The following KRT16 variants were observed in gnomAD, a reference collection of about 807,000 sequenced individuals.
The protein encoded by KRT16 is keratin, type I cytoskeletal 16.
KRT16 carries 42 observed loss-of-function variants against 44.8 expected under a neutral mutation model. That is an observed-to-expected ratio of 0.94 (90% CI 0.73 to 1.21). The LOEUF is 1.21. KRT16 is among the 50% of genes most tolerant of loss of function. The pLI is 0.00. For missense variants in KRT16, 561 were observed against 626.9 expected, an observed-to-expected ratio of 0.89 and a Z score of 1.12; for synonymous variants, 226 against 260.4, an observed-to-expected ratio of 0.87 and a Z score of 1.27.
intron 2 of KRT16, 58 bp from the exon 3 acceptor site, chr17:41,611,559 G>T (rs1908200076): frequency 6.8e-6 from 11 of 1,610,026 alleles, no homozygotes; most frequent in Non-Finnish European, 9.3e-6. Context: ...GAGGCTCGGG[G>T]TCTGCTGGCC....
At position 41,612,407 on chromosome 17, in the gene KRT16, G is replaced by A. The variant is rs570977410; in HGVS notation, c.282C>T (p.Phe94=). ...GGYGGGLGAG[F]GGGLGAGFGG... ...CAAAGCCAGCACCCAAGCCACCACCGAAGCCAGCACCAAGGCCACCACCAT... is the reference window on the plus strand; with the variant it reads ...CAAAGCCAGCACCCAAGCCACCACCAAAGCCAGCACCAAGGCCACCACCAT... Residue 94 remains phenylalanine, a synonymous_variant, in exon 1 of 8, where the codon TTC becomes TTT. Transcript: ENST00000301653. 69 of 1,613,984 alleles carry A rather than the reference G, an allele frequency of 4.3e-5. No individual in the cohort carries two copies. Among genetic ancestry groups the A allele is most frequent in the African/African-American group, 3.3e-4 (25 of 75,000 alleles).
At position 41,610,569 on chromosome 17, in the gene KRT16, A is replaced by C; in HGVS notation, c.1060-18T>G. On this transcript the variant is annotated intron_variant, in intron 5 of 7. Coordinates refer to ENST00000301653, the MANE Select transcript of KRT16 (RefSeq NM_005557.4). ...GATGCTTTCTGCAAGTGAGAGAGAG[A>C]AAAAGAGTCCATGGAGGTGGTCACT... The C allele has an allele frequency of 1.2e-6, 2 of 1,611,612 alleles. No individual in the cohort carries two copies. The highest frequency in any genetic ancestry group is 1.7e-6 in the Non-Finnish European group (2 of 1,179,508).
chr17:41,611,179 C>T lies in KRT16; in HGVS notation c.823G>A (p.Asp275Asn). 1 of 1,614,006 alleles carries T rather than the reference C, an allele frequency of 6.2e-7. No individual in the cohort carries two copies. Among genetic ancestry groups the T allele is most frequent in the East Asian group, 2.2e-5 (1 of 44,888 alleles). ...CTCAGGTCCACGCCAGGTGCAGCAT[C>T]CATCTCCACGTTCACATCTCCGCCG... ...QTGGDVNVEM[D>N]AAPGVDLSRI... is the part of the protein sequence containing the mutation. The change falls in exon 4 of 8, where the codon GAT becomes AAT. Residue 275 changes from aspartate (D) to asparagine (N), a missense_variant. Physicochemically the swap from Asp to Asn is conservative, Grantham distance 23. Transcript: ENST00000301653.
chr17:41,611,897 C>G (rs1191926871), intron 1 of KRT16, 176 bp from the exon 2 acceptor site: 2 of 784,594 alleles, frequency 2.5e-6, no homozygotes, highest in East Asian at 2.7e-5. Flanking sequence ...ATCCCGATCA[C>G]CCCCTTCCTG....
intron 5 of KRT16, 123 bp from the exon 6 acceptor site, chr17:41,610,674 C>T (rs1908158904): frequency 4.1e-6 from 6 of 1,467,734 alleles, no homozygotes; most frequent in Non-Finnish European, 5.7e-6. Context: ...ATGGGCCAGA[C>T]AATATGGAGA....
rs1465005565 is a variant in KRT16 at position 41,610,864 on chromosome 17, TG to T, written c.1048del (p.Gln350SerfsTer4). On this transcript the variant is annotated frameshift_variant, in exon 5 of 8. Transcript: ENST00000301653. LOFTEE classifies it high-confidence loss of function. ...LQGLEIELQSQLSMKASLENS... is the reference protein window; with the variant it reads ...LQGLEIELQSXLSMKASLENS... Reference sequence around the variant, plus strand: ...CTGGGTCCTTCATACCATGCTGAGCTGGGACTGCAGCTCAATCTCCAGGCCC... The same window carrying T: ...CTGGGTCCTTCATACCATGCTGAGCTGGACTGCAGCTCAATCTCCAGGCCC... 8 of 1,613,880 alleles carry T rather than the reference TG, an allele frequency of 5.0e-6. No homozygotes were observed. The African/African-American group carries it at 8.0e-5, about 16-fold the overall frequency.
Position 41,609,912 on chromosome 17 carries a change from G to A in KRT16, c.*23C>T, listed in dbSNP as rs113024481. The A allele has an allele frequency of 9.7e-4, 1,558 of 1,607,418 alleles. 19 individuals are homozygous for A. In the African/African-American group the frequency reaches 0.018, roughly 19 times the overall value. ...GGTGAGGCCAGCTGGTGGGCAGGAG[G>A]CTGTGGTAGAGGCAGCTCAGTTCTA... On this transcript the variant is annotated 3_prime_UTR_variant, in exon 8 of 8. Coordinates refer to ENST00000301653, the MANE Select transcript of KRT16 (RefSeq NM_005557.4).
In KRT16 at chr17:41,610,580, A is replaced by T. The variant is rs1181321002; in HGVS notation, c.1060-29T>A. On this transcript the variant is annotated intron_variant, in intron 5 of 7. Transcript: ENST00000301653. ...CAAGTGAGAGAGAGAAAAAGAGTCCATGGAGGTGGTCACTCCTGTTCCTCC... is the reference window on the plus strand; with the variant it reads ...CAAGTGAGAGAGAGAAAAAGAGTCCTTGGAGGTGGTCACTCCTGTTCCTCC... 2.5e-6 allele frequency: 4 copies of T among 1,610,488 alleles called. No individual in the cohort carries two copies. In the Admixed American group the frequency reaches 6.7e-5, roughly 27 times the overall value.
In KRT16 at chr17:41,612,705, G is replaced by A; in HGVS notation, c.-17C>T. ...GGTGGTCATGGTGCCAAGGAGGGAG[G>A]TGAGCGAGTGAGCAGTTGGCTGAAA... On this transcript the variant is annotated 5_prime_UTR_variant, in exon 1 of 8. Coordinates refer to ENST00000301653, the MANE Select transcript of KRT16 (RefSeq NM_005557.4). 1 of 1,574,142 alleles carries A rather than the reference G, an allele frequency of 6.4e-7. No individual in the cohort carries two copies. Among genetic ancestry groups the A allele is most frequent in the East Asian group, 2.3e-5 (1 of 43,176 alleles).
chr17:41,611,403 T>C lies in KRT16; in HGVS notation c.713A>G (p.Glu238Gly). ...DELTLARTDL[E>G]MQIEGLKEEL... ...CTCCTTCAGGCCTTCGATCTGCATC[T>C]CCAGGTCAGTCCTGGCCAGGGTCAG... is the stretch of plus-strand genomic sequence containing the variant. Residue 238 changes from glutamate (E) to glycine (G), a missense_variant, in exon 3 of 8, where the codon GAG becomes GGG. By Grantham distance (98) the Glu-to-Gly change is moderately conservative. Transcript: ENST00000301653. 1.2e-6 allele frequency: 2 copies of C among 1,614,230 alleles called. No homozygotes were observed. Among genetic ancestry groups the C allele is most frequent in the East Asian group, 4.5e-5 (2 of 44,882 alleles).
rs1241399741 is a variant in KRT16 at position 41,611,078 on chromosome 17, G to A, written c.924C>T (p.Phe308=). The A allele has an allele frequency of 6.2e-7, 1 of 1,614,020 alleles. No individual in the cohort carries two copies. The highest frequency in any genetic ancestry group is 2.2e-5 in the East Asian group (1 of 44,878). Residue 308 remains phenylalanine (F), a synonymous_variant, in exon 4 of 8, where the codon TTC becomes TTT. Transcript: ENST00000301653. The part of the protein sequence containing the change: ...EKNRRDAETW[F]LSKTEELNKE... ...CGGGCCCGAGCCCCACCTTGCTCAG[G>A]AACCAGGTCTCAGCGTCTCTGCGGT...
intron 6 of KRT16, 21 bp downstream of exon 6, chr17:41,610,310 A>T: frequency 6.2e-7 from 1 of 1,613,438 alleles, no homozygotes; most frequent in Non-Finnish European, 8.5e-7. Context: ...GGGAGGCAGA[A>T]CTGAGGGGCC....
chr17:41,610,688 G>C (rs1335054681), intron 5 of KRT16, 137 bp from the exon 6 acceptor site: 3 of 1,455,530 alleles, frequency 2.1e-6, no homozygotes, highest in East Asian at 2.3e-5. Flanking sequence ...ATGGAGAAAA[G>C]CTAGCCCACT....
rs1357399791 is a variant in KRT16 at position 41,611,242 on chromosome 17, T to C, written c.772-12A>G. The stretch of plus-strand genomic sequence containing the variant: ...AGAGCAAGCATCTCCTGGGAAGGGA[T>C]GGCAGGAGGCGGTCAGTTCAGCAGA... On this transcript the variant is annotated splice_polypyrimidine_tract_variant and intron_variant, in intron 3 of 7. Coordinates refer to ENST00000301653, the MANE Select transcript of KRT16 (RefSeq NM_005557.4). 2 of 1,613,874 alleles carry C rather than the reference T, an allele frequency of 1.2e-6. No individual in the cohort carries two copies. The highest frequency in any genetic ancestry group is 1.7e-6 in the Non-Finnish European group (2 of 1,179,866).
intron 5 of KRT16, 77 bp from the exon 6 acceptor site, chr17:41,610,628 A>G (rs922564164): frequency 1.3e-6 from 2 of 1,561,942 alleles, no homozygotes; most frequent in South Asian, 2.2e-5. Context: ...ATGTTTTTTG[A>G]GAGATGCCTG....
intron 1 of KRT16, 141 bp from the exon 2 acceptor site, chr17:41,611,862 C>A: frequency 1.1e-6 from 1 of 882,362 alleles, no homozygotes; most frequent in Non-Finnish European, 1.8e-6. Flanking sequence ...TCTCCACCAG[C>A]TCAGGCTACG....
rs147423442 is a variant in KRT16, at chr17:41,611,472, G to C, written c.644C>G (p.Thr215Ser). Residue 215 changes from threonine to serine, a missense_variant, in exon 3 of 8, where the codon ACT becomes AGT. By Grantham distance (58) the Thr-to-Ser change is moderately conservative. Transcript: ENST00000301653. ...KYEHELALRQTVEADVNGLRR... is the reference protein window; with the variant it reads ...KYEHELALRQSVEADVNGLRR... The stretch of plus-strand genomic sequence containing the variant: ...CAGGCCATTGACGTCGGCCTCCACA[G>C]TCTGCCGCAGGGCCAGTTCATGCTC... The C allele has an allele frequency of 4.4e-3, 7,083 of 1,614,060 alleles. 23 individuals are homozygous for C. The highest frequency in any genetic ancestry group is 5.4e-3 in the Non-Finnish European group (6,350 of 1,180,040).
chr17:41,611,295 G>A (rs758986017), intron 3 of KRT16, 50 bp downstream of exon 3: 28 of 1,613,844 alleles, frequency 1.7e-5, no homozygotes, highest in Middle Eastern at 3.3e-4. Context: ...GGTGCATCTG[G>A]CAACCCCACC....
chr17:41,610,720 A>G lies in KRT16; in HGVS notation c.1059+134T>C, dbSNP rs985706050. The G allele has an allele frequency of 4.0e-6, 6 of 1,499,122 alleles. No individual in the cohort carries two copies. In the African/African-American group the frequency reaches 4.1e-5, roughly 10 times the overall value. 92.9% of individuals were successfully genotyped at this position (1,499,122 alleles called of 1,614,324 possible). A position where few individuals can be genotyped will look rare whatever the true frequency, so the allele number is the denominator to read the frequency against. ...CACTATTCTAGGGCTTAGTTTCTCT[A>G]TCTATATAACGGTCCCATGAGTCCC... On this transcript the variant is annotated intron_variant, in intron 5 of 7. Coordinates refer to ENST00000301653, the MANE Select transcript of KRT16 (RefSeq NM_005557.4).
Sources: allele counts gnomAD v4.1 joint callset, GRCh38; gene constraint gnomAD v4.1.1; transcripts MANE v1.5; gene names NCBI Gene and HGNC (gene_info 2026-07-23, HGNC 2026-07-21).